The following EPHA5 variants were observed in gnomAD, a reference collection of about 807,000 sequenced individuals.
The protein encoded by EPHA5 is ephrin type-A receptor 5.
Under a neutral mutation model 105.0 loss-of-function variants are expected in EPHA5, and 60 were observed. The ratio of observed to expected loss-of-function variants is 0.57; its 90% CI spans 0.46 to 0.71. The LOEUF (loss-of-function observed/expected upper bound fraction) is 0.71, where lower values mean the gene tolerates loss of function less well. Ranked by LOEUF, EPHA5 falls within the 30% of genes least tolerant of loss-of-function variation. The probability of loss-of-function intolerance (pLI) is 0.00; values close to 1 mark genes in which losing one functional copy is unlikely to be tolerated. For missense variants in EPHA5, 1,218 were observed against 1,274.7 expected (o/e 0.96, Z 0.68); for synonymous variants, 513 against 449.1 (o/e 1.14, Z -1.80).
chr4:65,504,911 T>C (rs956094741), intron 3 of EPHA5, among the ~76,000 whole-genome samples: 28 of 152,116 alleles, frequency 1.8e-4, no homozygotes, highest in African/African-American at 6.5e-4. Context: ...CTAAGTTCTT[T>C]TAGATAAATT....
intron 3 of EPHA5, among the ~76,000 whole-genome samples, chr4:65,584,491 C>A (rs541659910): frequency 1.4e-4 from 21 of 151,870 alleles, no homozygotes; most frequent in Admixed American, 1.2e-3. Flanking sequence ...CCCAAAAATA[C>A]TCAAATGTGA....
At chr4:65,365,853 T>C (rs1717855762) in intron 10 of EPHA5, 79 bp downstream of exon 10, 4 of 1,392,250 alleles carry the variant, frequency 2.9e-6, no homozygotes, top group South Asian at 1.5e-5. Flanking sequence ...AAACATTCTC[T>C]GTTACATCAG....
At chr4:65,337,329 C>T (rs1321759327) in intron 14 of EPHA5, among the ~76,000 whole-genome samples, 7 of 152,082 alleles carry the variant, frequency 4.6e-5, no homozygotes, top group African/African-American at 1.2e-4. Context: ...CCTTCTACTT[C>T]GCTGTAATTT....
intron 2 of EPHA5, among the ~76,000 whole-genome samples, chr4:65,622,349 C>T (rs1745776888): frequency 6.6e-6 from 1 of 151,852 alleles, no homozygotes; most frequent in South Asian, 2.1e-4. Flanking sequence ...AGTTACACTT[C>T]AGCTTATTTC....
chr4:65,502,675 G>T (rs1483478699), intron 3 of EPHA5, among the ~76,000 whole-genome samples: 2 of 151,804 alleles, frequency 1.3e-5, no homozygotes, highest in Non-Finnish European at 2.9e-5. Context: ...CATCACTATG[G>T]AAAGCAGTTT....
At chr4:65,476,127 A>AGAGAGTGTGTGT (rs1425495059) in intron 5 of EPHA5, among the ~76,000 whole-genome samples, 4 of 119,190 alleles carry the variant, frequency 3.4e-5, no homozygotes, top group African/African-American at 9.3e-5. Flanking sequence ...AGAGAGAGAG[A>AGAGAGTGTGTGT]GTGTGTGTGT....
intron 5 of EPHA5, among the ~76,000 whole-genome samples, chr4:65,426,818 A>G (rs555954921): frequency 5.3e-5 from 8 of 152,184 alleles, no homozygotes; most frequent in African/African-American, 1.9e-4. Context: ...TTCAGTATAA[A>G]TGTCTTCAAA....
intron 5 of EPHA5, among the ~76,000 whole-genome samples, chr4:65,484,752 T>A (rs1226345959): frequency 6.6e-6 from 1 of 152,136 alleles, no homozygotes; most frequent in East Asian, 1.9e-4. Flanking sequence ...AAATTCCTAG[T>A]GTAAAATTAT....
chr4:65,351,151 A>G (rs991011593), intron 13 of EPHA5, among the ~76,000 whole-genome samples: 2 of 151,880 alleles, frequency 1.3e-5, no homozygotes, highest in Non-Finnish European at 2.9e-5. Context: ...TTTTATTTTT[A>G]GTATCTTCAG....
Position 65,670,130 on chromosome 4 carries a change from G to T in EPHA5, c.-388C>A. Reference sequence around the variant, plus strand: ...TCTTTGCAGCCTTCAGTGTTGAAATGGACGAAGGTAAGGAAGGCAAATCAT... The same window carrying T: ...TCTTTGCAGCCTTCAGTGTTGAAATTGACGAAGGTAAGGAAGGCAAATCAT... On this transcript the variant is annotated 5_prime_UTR_variant, in exon 1 of 17. Transcript: ENST00000613740. 3.7e-6 allele frequency: 1 copy of T among 272,398 alleles called. No homozygotes were observed. Among genetic ancestry groups the T allele is most frequent in the Non-Finnish European group, 6.9e-6 (1 of 145,538 alleles). The allele number at this position is 272,398 out of a possible 1,614,324, so 16.9% of individuals were successfully genotyped here.
rs574251563 is a variant in EPHA5 at position 65,498,187 on chromosome 4, A to G, written c.911-2644T>C. Among the ~76,000 whole-genome samples the G allele has an allele frequency of 1.1e-4, 17 of 152,090 alleles. No homozygotes were observed. The South Asian group carries it at 3.3e-3, about 30-fold the overall frequency. On this transcript the variant is annotated intron_variant, in intron 3 of 16. Coordinates refer to ENST00000613740, the MANE Select transcript of EPHA5 (RefSeq NM_001281766.3). Reference sequence around the variant, plus strand: ...AACAAATAGCGAAATGGAAGATACTAAAGAATTGATCAAGAAGATAGTCAG... The same window carrying G: ...AACAAATAGCGAAATGGAAGATACTGAAGAATTGATCAAGAAGATAGTCAG...
rs1332498226 is a variant in EPHA5 at position 65,319,847 on chromosome 4, A to AAATGT, written c.*4262_*4266dup. ...AGTCTAAGTATTCTCAGGCTCTTAT[A>AAATGT]AATGTAACTACTCACTTTTAAATAA... On this transcript the variant is annotated 3_prime_UTR_variant, in exon 17 of 17. Transcript: ENST00000613740. 2.4e-4 allele frequency: 54 copies of AAATGT among 229,612 alleles called. No individual in the cohort carries two copies. The highest frequency in any genetic ancestry group is 1.1e-3 in the African/African-American group (51 of 45,246). The allele number at this position is 229,612 out of a possible 1,614,324, so 14.2% of individuals were successfully genotyped here. A position where few individuals can be genotyped will look rare whatever the true frequency, so the allele number is the denominator to read the frequency against.
intron 8 of EPHA5, among the ~76,000 whole-genome samples, chr4:65,392,800 A>G (rs1235976419): frequency 6.6e-6 from 1 of 152,164 alleles, no homozygotes; most frequent in Non-Finnish European, 1.5e-5. Context: ...GGAAAAATGG[A>G]CAAACCACTT....
In EPHA5 at chr4:65,321,640, C is replaced by T. The variant is rs1288008303; in HGVS notation, c.*2474G>A. 2 of 228,960 alleles carry T rather than the reference C, an allele frequency of 8.7e-6. No individual in the cohort carries two copies. The highest frequency in any genetic ancestry group is 1.1e-4 in the Admixed American group (2 of 17,532). 14.2% of individuals were successfully genotyped at this position (228,960 alleles called of 1,614,324 possible). A position where few individuals can be genotyped will look rare whatever the true frequency, so the allele number is the denominator to read the frequency against. On this transcript the variant is annotated 3_prime_UTR_variant, in exon 17 of 17. Transcript: ENST00000613740. ...TCAATTTACTTTCCAAAATGATCAC[C>T]AAGATTGCAAAGAAGGCAAATAAAT...
At chr4:65,617,582 T>C (rs1473217302) in intron 2 of EPHA5, among the ~76,000 whole-genome samples, 1 of 152,136 alleles carries the variant, frequency 6.6e-6, no homozygotes, top group East Asian at 1.9e-4. Flanking sequence ...CTAGAAGTAA[T>C]TTGGTCAAAG....
At chr4:65,542,977 A>G (rs1319852038) in intron 3 of EPHA5, among the ~76,000 whole-genome samples, 1 of 152,056 alleles carries the variant, frequency 6.6e-6, no homozygotes, top group Non-Finnish European at 1.5e-5. Context: ...AAACCACATG[A>G]TTATCTCCAT....
intron 1 of EPHA5, among the ~76,000 whole-genome samples, chr4:65,660,730 T>A (rs1373631546): frequency 6.6e-6 from 1 of 152,042 alleles, no homozygotes; most frequent in East Asian, 1.9e-4. Flanking sequence ...ATCTCCCCAT[T>A]CTGAGCTACC....
chr4:65,569,594 A>G (rs939574666), intron 3 of EPHA5, among the ~76,000 whole-genome samples: 6 of 151,784 alleles, frequency 4.0e-5, no homozygotes, highest in East Asian at 1.9e-4. Context: ...TTTGCTTATT[A>G]AAGATATACA....
At chr4:65,417,650 C>G (rs1027409251) in intron 6 of EPHA5, among the ~76,000 whole-genome samples, 2 of 151,892 alleles carry the variant, frequency 1.3e-5, no homozygotes, top group East Asian at 3.9e-4. Context: ...TTATACAGAT[C>G]ATATAATGGA....
Sources: allele counts gnomAD v4.1 joint callset (sites outside exome capture counted in the v4.1 genomes callset), GRCh38; gene constraint gnomAD v4.1.1; transcripts MANE v1.5; gene names NCBI Gene and HGNC (gene_info 2026-07-23, HGNC 2026-07-21).